Variants in GALNT2 observed in about 807,000 individuals in gnomAD.
GALNT2 encodes the protein polypeptide N-acetylgalactosaminyltransferase 2.
GALNT2 carries 31 observed loss-of-function variants against 81.4 expected under a neutral mutation model. The ratio of observed to expected loss-of-function variants is 0.38; its 90% CI spans 0.29 to 0.51. GALNT2 has a LOEUF of 0.51. Among genes scored for constraint, GALNT2 ranks in the 20% least tolerant of loss-of-function variants. GALNT2 has a pLI of 0.87. For missense variants in GALNT2, 629 were observed against 765.7 expected, an observed-to-expected ratio of 0.82 and a Z score of 2.11; for synonymous variants, 303 against 287.4, an observed-to-expected ratio of 1.05 and a Z score of -0.55.
At chr1:230,206,629 T>G (rs969705684) in intron 3 of GALNT2, among the ~76,000 whole-genome samples, 4 of 152,346 alleles carry the variant, frequency 2.6e-5, no homozygotes, top group African/African-American at 9.6e-5. Flanking sequence ...ATTTGACCTT[T>G]CTGTATAAAA....
Position 230,243,751 on chromosome 1 carries a change from G to A in GALNT2, c.729+324G>A, listed in dbSNP as rs115611307. ...GGAGCAGTTTCCTTCCCCGCCTACA[G>A]CTTCGCAGAGTGCTTAGAACATTGC... On this transcript the variant is annotated intron_variant, in intron 7 of 15. Coordinates refer to ENST00000366672, the MANE Select transcript of GALNT2 (RefSeq NM_004481.5). The surrounding 1 kb of genome is among the most constrained non-coding windows in gnomAD (Gnocchi z 4.2). Among the ~76,000 whole-genome samples, 586 of 152,310 alleles carry A rather than the reference G, an allele frequency of 3.8e-3. 7 individuals are homozygous for A. Among genetic ancestry groups the A allele is most frequent in the African/African-American group, 0.014 (567 of 41,572 alleles).
At chr1:230,159,408 G>T (rs984605250) in intron 1 of GALNT2, among the ~76,000 whole-genome samples, 2 of 152,186 alleles carry the variant, frequency 1.3e-5, no homozygotes, top group Non-Finnish European at 2.9e-5. Context: ...TAGGTCAACC[G>T]GAGAAATTCA....
At chr1:230,249,522 A>G (rs747030162) in intron 9 of GALNT2, among the ~76,000 whole-genome samples, 2 of 152,212 alleles carry the variant, frequency 1.3e-5, no homozygotes, top group Non-Finnish European at 2.9e-5. Flanking sequence ...GCATTCCTGT[A>G]TGTTGATAAT....
intron 1 of GALNT2, among the ~76,000 whole-genome samples, chr1:230,155,627 C>G (rs1206994420): frequency 6.6e-6 from 1 of 152,170 alleles, no homozygotes; most frequent in Non-Finnish European, 1.5e-5. Flanking sequence ...ATGGGCAGAG[C>G]TAGGTTTTGT....
At chr1:230,069,916 A>G (rs1659323838) in intron 1 of GALNT2, among the ~76,000 whole-genome samples, 1 of 152,174 alleles carries the variant, frequency 6.6e-6, no homozygotes, top group Non-Finnish European at 1.5e-5. Flanking sequence ...ATAGGGTACT[A>G]GGCTGCAGTA....
rs577636970 is a variant in GALNT2, at chr1:230,120,377, T to C, written c.126+52971T>C. Reference sequence around the variant, plus strand: ...TGCCTGCCTTGTGGATGTCATCTGCTCCCATGTCAGCCATCTCCAGGGCTC... The same window carrying C: ...TGCCTGCCTTGTGGATGTCATCTGCCCCCATGTCAGCCATCTCCAGGGCTC... On this transcript the variant is annotated intron_variant, in intron 1 of 15. Coordinates refer to ENST00000366672, the MANE Select transcript of GALNT2 (RefSeq NM_004481.5). Among the ~76,000 whole-genome samples the C allele has an allele frequency of 1.9e-3, 293 of 152,024 alleles. 1 individual carries two copies. In the Middle Eastern group the frequency reaches 0.024, roughly 12 times the overall value.
At chr1:230,161,962 G>T (rs1038678318) in intron 1 of GALNT2, among the ~76,000 whole-genome samples, 2 of 151,902 alleles carry the variant, frequency 1.3e-5, no homozygotes, top group African/African-American at 2.4e-5. Flanking sequence ...TTTGTTTTAA[G>T]CTACCCAATC....
chr1:230,059,138 A>C (rs1002975589), intron 1 of GALNT2, among the ~76,000 whole-genome samples: 1 of 152,244 alleles, frequency 6.6e-6, no homozygotes, highest in Non-Finnish European at 1.5e-5. Context: ...TCAGATTATA[A>C]GAAAGGTTCT....
upstream of GALNT2, among the ~76,000 whole-genome samples, chr1:230,066,425 T>A (rs946001663): frequency 1.1e-4 from 16 of 152,374 alleles, no homozygotes; most frequent in Non-Finnish European, 1.2e-4. Context: ...CCTCATTTTG[T>A]GTTTATTGAA....
At chr1:230,191,126 G>T (rs1439794564) in intron 2 of GALNT2, among the ~76,000 whole-genome samples, 1 of 152,204 alleles carries the variant, frequency 6.6e-6, no homozygotes, top group African/African-American at 2.4e-5. Context: ...AAATGTAATG[G>T]AGCTGTTTAA....
At chr1:230,134,037 A>G (rs1661455633) in intron 1 of GALNT2, among the ~76,000 whole-genome samples, 1 of 151,194 alleles carries the variant, frequency 6.6e-6, no homozygotes, top group South Asian at 2.1e-4. Context: ...GGTAAGTAAT[A>G]CTTAATTACA....
chr1:230,270,003 C>G (rs1037490777), intron 14 of GALNT2, among the ~76,000 whole-genome samples: 3 of 152,116 alleles, frequency 2.0e-5, no homozygotes, highest in Non-Finnish European at 4.4e-5. Context: ...AGTTCGAGAC[C>G]AGCCTGGCCA....
intron 9 of GALNT2, 91 bp from the exon 10 acceptor site, chr1:230,250,366 A>T (rs1184728263): frequency 1.8e-5 from 16 of 865,680 alleles, no homozygotes; most frequent in Non-Finnish European, 2.9e-5. Context: ...ATTGTTAGGG[A>T]ATCAAGGCTT....
chr1:230,231,950 A>G (rs1172693211), intron 3 of GALNT2, among the ~76,000 whole-genome samples: 1 of 152,164 alleles, frequency 6.6e-6, no homozygotes, highest in Admixed American at 6.5e-5. Context: ...GACTTCAAAT[A>G]AACTGCAGTT....
chr1:230,098,118 C>A (rs1435232321), intron 1 of GALNT2, among the ~76,000 whole-genome samples: 2 of 152,058 alleles, frequency 1.3e-5, no homozygotes, highest in Non-Finnish European at 2.9e-5. Flanking sequence ...CTCTTTTTAG[C>A]CCAGGTTTGA....
At position 230,243,834 on chromosome 1, in the gene GALNT2, C is replaced by G. The variant is rs1319551700; in HGVS notation, c.729+407C>G. Among the ~76,000 whole-genome samples, 1 of 152,156 alleles carries G rather than the reference C, an allele frequency of 6.6e-6. No homozygotes were observed. The highest frequency in any genetic ancestry group is 6.5e-5 in the Admixed American group (1 of 15,272). On this transcript the variant is annotated intron_variant, in intron 7 of 15. Coordinates refer to ENST00000366672, the MANE Select transcript of GALNT2 (RefSeq NM_004481.5). The surrounding 1 kb of genome is among the most constrained non-coding windows in gnomAD (Gnocchi z 4.2). The stretch of plus-strand genomic sequence containing the variant: ...CGCAGAGCGGGGCGTGCTGGGGAAG[C>G]TGTCCCTGGGGCCACCTCTCTGCTC...
intron 2 of GALNT2, among the ~76,000 whole-genome samples, chr1:230,185,686 T>G (rs1032216372): frequency 4.6e-5 from 7 of 152,208 alleles, no homozygotes; most frequent in African/African-American, 1.7e-4. Flanking sequence ...GTGCCCTGGC[T>G]TCTTTCAAAA....
chr1:230,133,563 C>T (rs1661438297), intron 1 of GALNT2, among the ~76,000 whole-genome samples: 1 of 151,902 alleles, frequency 6.6e-6, no homozygotes. Context: ...AAGCAATTCT[C>T]CTGCCTCAGC....
In GALNT2 at chr1:230,166,118, T is replaced by C. The variant is rs1370087532; in HGVS notation, c.127-12100T>C. Among the ~76,000 whole-genome samples, 6 of 117,294 alleles carry C rather than the reference T, an allele frequency of 5.1e-5. No individual in the cohort carries two copies. In the Admixed American group the frequency reaches 6.2e-4, roughly 12 times the overall value. 76.9% of individuals were successfully genotyped at this position (117,294 alleles called of 152,430 possible). A position where few individuals can be genotyped will look rare whatever the true frequency, so the allele number is the denominator to read the frequency against. On this transcript the variant is annotated intron_variant, in intron 1 of 15. Coordinates refer to ENST00000366672, the MANE Select transcript of GALNT2 (RefSeq NM_004481.5). ...ACAAATCCTTTGTGAAAGAACAATTTGTAATTAATAAAAAAAAAAGACCTT... is the reference window on the plus strand; with the variant it reads ...ACAAATCCTTTGTGAAAGAACAATTCGTAATTAATAAAAAAAAAAGACCTT...
Sources: gnomAD v4.1 joint callset for allele counts (sites outside exome capture counted in the v4.1 genomes callset) on GRCh38, gnomAD v4.1.1 for gene constraint, Gnocchi (gnomAD v3.1) non-coding constraint, MANE v1.5 for transcripts, NCBI Gene and HGNC (gene_info 2026-07-23, HGNC 2026-07-21) for gene names.